SH3RF2: variants seen among roughly 807,000 people sequenced by gnomAD.
SH3RF2 encodes the protein E3 ubiquitin-protein ligase SH3RF2.
A neutral mutation model predicts 59.0 loss-of-function variants in SH3RF2; 43 were observed. That is an observed-to-expected ratio of 0.73 (90% CI 0.57 to 0.94). The LOEUF is 0.94. Ranked by LOEUF, SH3RF2 falls within the 40% of genes least tolerant of loss-of-function variation. The probability of loss-of-function intolerance (pLI) is 0.00; values close to 1 mark genes in which losing one functional copy is unlikely to be tolerated. For synonymous variants in SH3RF2, 391 were observed against 391.5 expected, an observed-to-expected ratio of 1.00 and a Z score of 0.01; for missense variants, 930 against 940.1, an observed-to-expected ratio of 0.99 and a Z score of 0.14.
chr5:145,997,434 T>C (rs1760211448), intron 2 of SH3RF2: 1 of 1,412,612 alleles, frequency 7.1e-7, no homozygotes, highest in Non-Finnish European at 1.0e-6. Flanking sequence ...TTATACTGGC[T>C]GGTGCAAGGA....
At chr5:146,050,720 A>G (rs1317406105) in intron 7 of SH3RF2, among the ~76,000 whole-genome samples, 2 of 152,212 alleles carry the variant, frequency 1.3e-5, no homozygotes, top group Non-Finnish European at 2.9e-5. Context: ...GGGAGAGACA[A>G]ATTTTTAAAA....
intron 2 of SH3RF2, among the ~76,000 whole-genome samples, chr5:145,970,036 A>G (rs1759016156): frequency 6.6e-6 from 1 of 152,230 alleles, no homozygotes; most frequent in African/African-American, 2.4e-5. Flanking sequence ...TTGCCTAATA[A>G]TGATGATGGC....
chr5:146,053,439 C>T (rs574623813), intron 7 of SH3RF2, among the ~76,000 whole-genome samples: 3 of 125,120 alleles, frequency 2.4e-5, no homozygotes, highest in Non-Finnish European at 5.4e-5. Context: ...GCAGAGGTTT[C>T]CTTTCTTTTC....
intron 7 of SH3RF2, among the ~76,000 whole-genome samples, chr5:146,049,748 C>A (rs1762427421): frequency 6.6e-6 from 1 of 152,136 alleles, no homozygotes; most frequent in African/African-American, 2.4e-5. Context: ...TTCCTCCACA[C>A]CCAAGATGAA....
Position 146,060,876 on chromosome 5 carries a change from T to C in SH3RF2, c.1914+652T>C, listed in dbSNP as rs1348679244. ...CCACTAGAAGACGTGAGAGTTTTTG[T>C]AAAAGGCTTATGTTCTCAATAATAT... On this transcript the variant is annotated intron_variant, in intron 9 of 9. Coordinates refer to ENST00000359120, the MANE Select transcript of SH3RF2 (RefSeq NM_152550.4). Among the ~76,000 whole-genome samples the C allele has an allele frequency of 2.6e-5, 4 of 152,194 alleles. No individual in the cohort carries two copies. The South Asian group carries it at 8.3e-4, about 32-fold the overall frequency.
At chr5:145,952,875 A>C (rs1389346931) in intron 2 of SH3RF2, among the ~76,000 whole-genome samples, 2 of 152,160 alleles carry the variant, frequency 1.3e-5, no homozygotes, top group Non-Finnish European at 2.9e-5. Context: ...ACTCTGGGAA[A>C]CAGTATAAAA....
intron 2 of SH3RF2, among the ~76,000 whole-genome samples, chr5:145,968,033 A>G (rs1166697608): frequency 6.6e-6 from 1 of 152,192 alleles, no homozygotes; most frequent in Admixed American, 6.5e-5. Context: ...CTGACACTGT[A>G]AAAAACTGTA....
In SH3RF2 at chr5:146,007,609, G is replaced by T. The variant is rs532987188; in HGVS notation, c.744+3456G>T. On this transcript the variant is annotated intron_variant, in intron 4 of 9. Coordinates refer to ENST00000359120, the MANE Select transcript of SH3RF2 (RefSeq NM_152550.4). ...TTCTTCATAAGTCTGGGCTGGGGGGGAAGGCACCAGTCATCTTATTACCCA... is the reference window on the plus strand; with the variant it reads ...TTCTTCATAAGTCTGGGCTGGGGGGTAAGGCACCAGTCATCTTATTACCCA... 1.9e-3 allele frequency among the ~76,000 whole-genome samples: 282 copies of T among 152,228 alleles called. 3 individuals carry two copies. Among genetic ancestry groups the T allele is most frequent in the African/African-American group, 6.6e-3 (273 of 41,524 alleles).
At position 146,062,583 on chromosome 5, in the gene SH3RF2, A is replaced by G. The variant is rs570881459; in HGVS notation, c.2072A>G (p.His691Arg). ...LGPEMTVLFA[H>R]RSGCHSGQQT... ...CCAGAGATGACCGTCCTATTTGCCC[A>G]CCGAAGTGGCTGCCACTCCGGACAG... The change falls in exon 10 of 10, where the codon CAC becomes CGC. Residue 691 changes from histidine to arginine, a missense_variant. Transcript: ENST00000359120. 1.2e-6 allele frequency: 2 copies of G among 1,614,142 alleles called. No individual in the cohort carries two copies. The highest frequency in any genetic ancestry group is 2.7e-5 in the African/African-American group (2 of 75,042).
chr5:145,969,727 A>C (rs925464222), intron 2 of SH3RF2, among the ~76,000 whole-genome samples: 1 of 150,960 alleles, frequency 6.6e-6, no homozygotes, highest in African/African-American at 2.4e-5. Flanking sequence ...AGAGCGAGAC[A>C]CTCTTTCTAA....
intron 2 of SH3RF2, among the ~76,000 whole-genome samples, chr5:145,979,936 C>A (rs964250371): frequency 2.0e-5 from 3 of 152,184 alleles, no homozygotes; most frequent in Admixed American, 1.3e-4. Flanking sequence ...CAAAGTGATA[C>A]AGTAGCAAGT....
chr5:146,003,717 A>C (rs1421930701), intron 3 of SH3RF2, among the ~76,000 whole-genome samples: 1 of 152,232 alleles, frequency 6.6e-6, no homozygotes, highest in Non-Finnish European at 1.5e-5. Flanking sequence ...TGCAAAGCTA[A>C]AAGTGCTTCT....
intron 5 of SH3RF2, among the ~76,000 whole-genome samples, chr5:146,047,154 C>CGTGTGTGTGTGT (rs35750777): frequency 2.5e-3 from 370 of 148,204 alleles, no homozygotes; most frequent in Admixed American, 6.9e-3. Context: ...ATTGGATAGG[C>CGTGTGTGTGTGT]GTGTGTGTGT....
Position 146,062,735 on chromosome 5 carries a change from G to A in SH3RF2, c.*34G>A, listed in dbSNP as rs779531540. ...GTGGCTTTTCCTAGACCCCAAAGAG[G>A]TGAATTGCATTTAAATACAGTCTGC... On this transcript the variant is annotated 3_prime_UTR_variant, in exon 10 of 10. Coordinates refer to ENST00000359120, the MANE Select transcript of SH3RF2 (RefSeq NM_152550.4). 2 of 1,591,870 alleles carry A rather than the reference G, an allele frequency of 1.3e-6. No individual in the cohort carries two copies. Among genetic ancestry groups the A allele is most frequent in the Admixed American group, 1.7e-5 (1 of 58,482 alleles).
chr5:145,985,524 G>A (rs1032895743), intron 2 of SH3RF2, among the ~76,000 whole-genome samples: 16 of 152,124 alleles, frequency 1.1e-4, no homozygotes, highest in Admixed American at 7.2e-4. Flanking sequence ...TTTTGAGGAG[G>A]ACCACATACA....
At chr5:146,036,824 G>A (rs1437008956) in intron 5 of SH3RF2, among the ~76,000 whole-genome samples, 2 of 152,216 alleles carry the variant, frequency 1.3e-5, no homozygotes, top group African/African-American at 2.4e-5. Flanking sequence ...AAAAGCTAAT[G>A]CAGAGCATAG....
chr5:145,942,647 C>T (rs972337047), intron 2 of SH3RF2, among the ~76,000 whole-genome samples: 68 of 152,148 alleles, frequency 4.5e-4, no homozygotes, highest in African/African-American at 1.6e-3. Context: ...CTGAAAACAG[C>T]AGATAGGTGC....
At chr5:145,973,574 A>C (rs977525951) in intron 2 of SH3RF2, among the ~76,000 whole-genome samples, 2 of 152,240 alleles carry the variant, frequency 1.3e-5, no homozygotes, top group African/African-American at 4.8e-5. Context: ...ATATAGGAAG[A>C]AAGAGATAGT....
chr5:145,967,323 C>G (rs1343729360), intron 2 of SH3RF2, among the ~76,000 whole-genome samples: 1 of 152,080 alleles, frequency 6.6e-6, no homozygotes, highest in Non-Finnish European at 1.5e-5. Context: ...CAGTCTCTGA[C>G]TATTGGCTAA....
Sources: allele counts gnomAD v4.1 joint callset (sites outside exome capture counted in the v4.1 genomes callset), GRCh38; gene constraint gnomAD v4.1.1; transcripts MANE v1.5; gene names NCBI Gene and HGNC (gene_info 2026-07-23, HGNC 2026-07-21).